The following CDKN2B-AS1 variants were observed in gnomAD, a reference collection of about 807,000 sequenced individuals.
CDKN2B-AS1 encodes the protein CDKN2B antisense RNA 1 (non-protein coding).
chr9:22,022,410 G>A (rs541876322), intron 1 of CDKN2B-AS1, among the ~76,000 whole-genome samples: 111 of 151,988 alleles, frequency 7.3e-4, no homozygotes, highest in African/African-American at 2.3e-3. Flanking sequence ...TATGTAATGC[G>A]TTTCTTTGTC....
intron 1 of CDKN2B-AS1, among the ~76,000 whole-genome samples, chr9:22,028,025 C>G (rs1373817979): frequency 6.6e-6 from 1 of 152,096 alleles, no homozygotes; most frequent in East Asian, 1.9e-4. Context: ...TCAGACTCAT[C>G]TAGATTAGAT....
chr9:22,014,587 T>A (rs1821658216), intron 1 of CDKN2B-AS1, among the ~76,000 whole-genome samples: 2 of 152,104 alleles, frequency 1.3e-5, no homozygotes, highest in Non-Finnish European at 2.9e-5. Flanking sequence ...AAATAATGAG[T>A]TGAGTCCTAG....
chr9:22,042,905 G>T (rs1822956599), intron 1 of CDKN2B-AS1, among the ~76,000 whole-genome samples: 1 of 152,030 alleles, frequency 6.6e-6, no homozygotes, highest in Non-Finnish European at 1.5e-5. Flanking sequence ...TGAGTGATGT[G>T]TTTTCATGAC....
rs527724786 is a variant in CDKN2B-AS1 at position 22,105,863 on chromosome 9, T to C, written n.439-21240T>C. ...GTGCTTTGATTTCAACTATGGGCTTTATTACTTACTAACTGGGTTACTTTG... is the reference window on the plus strand; with the variant it reads ...GTGCTTTGATTTCAACTATGGGCTTCATTACTTACTAACTGGGTTACTTTG... On this transcript the variant is annotated intron_variant and non_coding_transcript_variant, in intron 4 of 4. Coordinates refer to ENST00000650946, the Ensembl canonical transcript of CDKN2B-AS1. Among the ~76,000 whole-genome samples, 7 of 152,356 alleles carry C rather than the reference T, an allele frequency of 4.6e-5. No homozygotes were observed. In the South Asian group the frequency reaches 1.5e-3, roughly 32 times the overall value.
chr9:22,094,523 A>G (rs1231097532), intron 4 of CDKN2B-AS1, among the ~76,000 whole-genome samples: 1 of 143,860 alleles, frequency 7.0e-6, no homozygotes, highest in Non-Finnish European at 1.5e-5. Context: ...GTTTCTTTTT[A>G]TTCTTTTTCC....
intron 4 of CDKN2B-AS1, among the ~76,000 whole-genome samples, chr9:22,085,307 A>G (rs1352556058): frequency 7.4e-4 from 113 of 152,198 alleles, no homozygotes; most frequent in Non-Finnish European, 1.5e-5. Flanking sequence ...CCCTCAAGGT[A>G]TGCTTATCCC....
chr9:22,107,922 T>C (rs1825702841), intron 4 of CDKN2B-AS1, among the ~76,000 whole-genome samples: 2 of 152,162 alleles, frequency 1.3e-5, no homozygotes, highest in African/African-American at 4.8e-5. Flanking sequence ...AGAACTTCAA[T>C]GAATTGTTGG....
At chr9:22,088,951 C>T (rs1824962723) in intron 4 of CDKN2B-AS1, among the ~76,000 whole-genome samples, 1 of 152,196 alleles carries the variant, frequency 6.6e-6, no homozygotes, top group Admixed American at 6.5e-5. Flanking sequence ...CTGGATGGAT[C>T]AGCATCAGCA....
At chr9:22,023,277 G>A (rs529282878) in intron 1 of CDKN2B-AS1, among the ~76,000 whole-genome samples, 3 of 151,802 alleles carry the variant, frequency 2.0e-5, no homozygotes, top group African/African-American at 7.2e-5. Flanking sequence ...TTGTAGATGT[G>A]GTCTCTATAT....
At chr9:22,109,304 A>G (rs1236683516) in intron 4 of CDKN2B-AS1, among the ~76,000 whole-genome samples, 3 of 152,172 alleles carry the variant, frequency 2.0e-5, no homozygotes, top group Non-Finnish European at 4.4e-5. Flanking sequence ...GCTTTTATTT[A>G]ATTGTCCTTG....
intron 4 of CDKN2B-AS1, among the ~76,000 whole-genome samples, chr9:22,116,262 C>T (rs60601001): frequency 0.015 from 2,287 of 152,150 alleles, 40 homozygotes; most frequent in African/African-American, 0.041. Context: ...GTATATCAAA[C>T]GGATATAAGT....
intron 4 of CDKN2B-AS1, among the ~76,000 whole-genome samples, chr9:22,122,002 G>T (rs900547128): frequency 2.0e-5 from 3 of 151,148 alleles, no homozygotes; most frequent in African/African-American, 7.3e-5. Flanking sequence ...ACTAGTTTAC[G>T]TTCCCACCAA....
At chr9:22,008,677 C>A (rs774439061) in intron 1 of CDKN2B-AS1, 1 of 1,608,808 alleles carries the variant, frequency 6.2e-7, no homozygotes, top group South Asian at 1.1e-5. Context: ...ATGCACACCT[C>A]CGGCCAACGG....
Position 22,042,298 on chromosome 9 carries a change from C to T in CDKN2B-AS1, n.30-4453C>T, listed in dbSNP as rs75227345. On this transcript the variant is annotated intron_variant and non_coding_transcript_variant, in intron 1 of 4. Coordinates refer to ENST00000650946, the Ensembl canonical transcript of CDKN2B-AS1. Reference sequence around the variant, plus strand: ...TACCAACCATGTTTCAGGCACTGGACACTAGAAATATAATAGTGAACTAGA... The same window carrying T: ...TACCAACCATGTTTCAGGCACTGGATACTAGAAATATAATAGTGAACTAGA... 8.3e-3 allele frequency among the ~76,000 whole-genome samples: 1,257 copies of T among 152,186 alleles called. 86 individuals are homozygous for T. In the East Asian group the frequency reaches 0.18, roughly 21 times the overall value.
At chr9:22,060,214 C>T (rs1823757794) in intron 4 of CDKN2B-AS1, among the ~76,000 whole-genome samples, 1 of 152,130 alleles carries the variant, frequency 6.6e-6, no homozygotes, top group African/African-American at 2.4e-5. Flanking sequence ...TTTCTGAACT[C>T]TGTTTCCCTT....
At chr9:22,074,274 G>C (rs1478121081) in intron 4 of CDKN2B-AS1, among the ~76,000 whole-genome samples, 1 of 152,012 alleles carries the variant, frequency 6.6e-6, no homozygotes, top group South Asian at 2.1e-4. Context: ...ATATTGTTTT[G>C]GTAAAACTAG....
intron 4 of CDKN2B-AS1, among the ~76,000 whole-genome samples, chr9:22,090,785 A>G (rs1185727331): frequency 1.3e-5 from 2 of 151,734 alleles, no homozygotes; most frequent in Non-Finnish European, 1.5e-5. Flanking sequence ...TTGGCTGTTC[A>G]CTCTGATGGT....
At chr9:22,123,783 G>A (rs1309207042) in intron 4 of CDKN2B-AS1, among the ~76,000 whole-genome samples, 2 of 152,146 alleles carry the variant, frequency 1.3e-5, no homozygotes, top group Non-Finnish European at 2.9e-5. Flanking sequence ...AGGACAAATG[G>A]ATGCAAATAG....
At chr9:22,084,968 A>G (rs183325840) in intron 4 of CDKN2B-AS1, among the ~76,000 whole-genome samples, 1 of 152,200 alleles carries the variant, frequency 6.6e-6, no homozygotes, top group Non-Finnish European at 1.5e-5. Flanking sequence ...GATAACACGA[A>G]CACCCAGACG....
Sources: gnomAD v4.1 joint callset for allele counts (sites outside exome capture counted in the v4.1 genomes callset) on GRCh38, gnomAD v4.1.1 for gene constraint, MANE v1.5 for transcripts, NCBI Gene and HGNC (gene_info 2026-07-23, HGNC 2026-07-21) for gene names.